The following PDE4D variants were observed in gnomAD, a reference collection of about 807,000 sequenced individuals.
PDE4D encodes 3',5'-cyclic-AMP phosphodiesterase 4D.
PDE4D carries 24 observed loss-of-function variants against 87.4 expected under a neutral mutation model. The observed-to-expected ratio is 0.27, with a 90% CI of 0.20 to 0.39. PDE4D has a LOEUF of 0.39. Among genes scored for constraint, PDE4D ranks in the 10% least tolerant of loss-of-function variants. The probability of loss-of-function intolerance (pLI) is 1.00; values close to 1 mark genes in which losing one functional copy is unlikely to be tolerated. For missense variants in PDE4D, 714 were observed against 1,041.0 expected (o/e 0.69, Z 4.32); for synonymous variants, 384 against 383.2 (o/e 1.00, Z -0.02).
chr5:60,428,458 T>G (rs1280862710), intron 1 of PDE4D, among the ~76,000 whole-genome samples: 5 of 152,166 alleles, frequency 3.3e-5, no homozygotes, highest in Admixed American at 6.5e-5. Context: ...AATAAATTCA[T>G]TCATGCAATG....
In PDE4D at chr5:59,149,647, TG is replaced by T. The variant is rs76586765; in HGVS notation, c.808+30947del. 3.2e-4 allele frequency among the ~76,000 whole-genome samples: 49 copies of T among 151,352 alleles called. No homozygotes were observed. In the East Asian group the frequency reaches 9.3e-3, roughly 29 times the overall value. ...GTTGGTTCCTAGGGCTGGTTCTCCG[TG>T]GTTATATGGGTTAGTTAAAACATTA... On this transcript the variant is annotated intron_variant, in intron 5 of 14. Coordinates refer to ENST00000340635, the MANE Select transcript of PDE4D (RefSeq NM_001104631.2).
intron 1 of PDE4D, among the ~76,000 whole-genome samples, chr5:60,318,693 C>T (rs1026741828): frequency 6.6e-6 from 1 of 152,090 alleles, no homozygotes; most frequent in African/African-American, 2.4e-5. Flanking sequence ...GTGACAAAAT[C>T]TCTCAGCATT....
chr5:59,688,332 C>T (rs1403071136), intron 1 of PDE4D, among the ~76,000 whole-genome samples: 2 of 152,192 alleles, frequency 1.3e-5, no homozygotes, highest in African/African-American at 2.4e-5. Context: ...AAGCACTCCT[C>T]AGCAAATGTT....
intron 2 of PDE4D, among the ~76,000 whole-genome samples, chr5:60,041,590 A>G (rs1349758724): frequency 6.6e-6 from 1 of 151,946 alleles, no homozygotes; most frequent in Non-Finnish European, 1.5e-5. Context: ...CTGCATTTCT[A>G]ACGGAGATAC....
At chr5:59,843,060 A>G (rs951413062) in intron 1 of PDE4D, among the ~76,000 whole-genome samples, 7 of 151,998 alleles carry the variant, frequency 4.6e-5, no homozygotes, top group Non-Finnish European at 7.4e-5. Flanking sequence ...ATTGTATAAA[A>G]AATATAAAAT....
At chr5:60,115,227 T>A (rs1778057781) in intron 2 of PDE4D, among the ~76,000 whole-genome samples, 1 of 152,116 alleles carries the variant, frequency 6.6e-6, no homozygotes, top group Non-Finnish European at 1.5e-5. Context: ...GCCATCTTTG[T>A]GTGTCACCGT....
At chr5:60,507,823 T>G (rs1447716875) in intron 1 of PDE4D, among the ~76,000 whole-genome samples, 5 of 152,196 alleles carry the variant, frequency 3.3e-5, no homozygotes, top group South Asian at 4.1e-4. Context: ...TTTATGAGCT[T>G]CCTTCTATAA....
rs1826011653 is a variant in PDE4D, at chr5:59,592,185, T to C, written c.455+300983A>G. 4.1e-6 allele frequency: 4 copies of C among 965,372 alleles called. No individual in the cohort carries two copies. In the South Asian group the frequency reaches 1.9e-4, roughly 46 times the overall value. 59.8% of individuals were successfully genotyped at this position (965,372 alleles called of 1,614,324 possible). On this transcript the variant is annotated intron_variant, in intron 1 of 14. Transcript: ENST00000340635. ...AGAACAGTGTCTTCTTCTCTATATTTATAACACCAAAAACATTGTTGGTAC... is the reference window on the plus strand; with the variant it reads ...AGAACAGTGTCTTCTTCTCTATATTCATAACACCAAAAACATTGTTGGTAC...
intron 2 of PDE4D, among the ~76,000 whole-genome samples, chr5:60,126,066 C>T (rs1779097728): frequency 6.6e-6 from 1 of 152,082 alleles, no homozygotes; most frequent in African/African-American, 2.4e-5. Context: ...TATGATTTTA[C>T]CTCCATTAGC....
intron 5 of PDE4D, among the ~76,000 whole-genome samples, chr5:59,058,612 A>T (rs901964061): frequency 6.6e-5 from 10 of 152,212 alleles, no homozygotes; most frequent in African/African-American, 2.4e-4. Flanking sequence ...GGTTCACTGT[A>T]CATCGTTTAG....
At chr5:59,038,828 G>T in intron 6 of PDE4D, 31 bp downstream of exon 6, 1 of 1,453,570 alleles carries the variant, frequency 6.9e-7, no homozygotes, top group African/African-American at 1.4e-5. Flanking sequence ...AGCAGCCTGG[G>T]GGCACCAGTG....
chr5:60,472,501 T>C (rs1425346377), intron 1 of PDE4D, among the ~76,000 whole-genome samples: 1 of 152,186 alleles, frequency 6.6e-6, no homozygotes, highest in Non-Finnish European at 1.5e-5. Context: ...TGCACTTCGA[T>C]TCTCTTTCCT....
intron 2 of PDE4D, among the ~76,000 whole-genome samples, chr5:60,038,174 G>A (rs1768030150): frequency 6.6e-6 from 1 of 152,150 alleles, no homozygotes; most frequent in Non-Finnish European, 1.5e-5. Context: ...ATTGCTTTTG[G>A]TGTTTTAGAC....
intron 2 of PDE4D, among the ~76,000 whole-genome samples, chr5:60,104,470 G>A (rs1776630101): frequency 6.6e-6 from 1 of 152,234 alleles, no homozygotes; most frequent in Non-Finnish European, 1.5e-5. Context: ...GACCTCTGCA[G>A]ACTTAAATGT....
At chr5:59,677,092 C>T (rs1157812183) in intron 1 of PDE4D, among the ~76,000 whole-genome samples, 3 of 151,396 alleles carry the variant, frequency 2.0e-5, no homozygotes, top group Admixed American at 6.6e-5. Context: ...TCCAAATACT[C>T]CAATCTTGTG....
chr5:59,220,204 G>C (rs1752182447), intron 1 of PDE4D, among the ~76,000 whole-genome samples: 1 of 150,600 alleles, frequency 6.6e-6, no homozygotes, highest in South Asian at 2.1e-4. Context: ...TGTTGCTTTT[G>C]CAACAAATAA....
chr5:59,214,409 C>T (rs1178297989), intron 2 of PDE4D, among the ~76,000 whole-genome samples: 1 of 152,110 alleles, frequency 6.6e-6, no homozygotes, highest in Non-Finnish European at 1.5e-5. Flanking sequence ...ATTTTCCATG[C>T]CTCACATTTA....
At chr5:59,162,724 A>G (rs576389441) in intron 5 of PDE4D, among the ~76,000 whole-genome samples, 1 of 151,234 alleles carries the variant, frequency 6.6e-6, no homozygotes, top group South Asian at 2.1e-4. Context: ...GTGCAGTGCT[A>G]TGTGCCTGTA....
intron 5 of PDE4D, among the ~76,000 whole-genome samples, chr5:59,115,292 A>C (rs1260698270): frequency 1.3e-5 from 2 of 152,206 alleles, no homozygotes; most frequent in Non-Finnish European, 2.9e-5. Flanking sequence ...GGATGCGCTC[A>C]GTGTTTCCAA....
Sources: gnomAD v4.1 joint callset for allele counts (sites outside exome capture counted in the v4.1 genomes callset) on GRCh38, gnomAD v4.1.1 for gene constraint, MANE v1.5 for transcripts, NCBI Gene and HGNC (gene_info 2026-07-23, HGNC 2026-07-21) for gene names.